The following SCIN variants were observed in gnomAD, a reference collection of about 807,000 sequenced individuals.
SCIN encodes adseverin.
A neutral mutation model predicts 91.8 loss-of-function variants in SCIN; 91 were observed. That is an observed-to-expected ratio of 0.99 (90% confidence interval 0.84 to 1.18). The LOEUF is 1.18. Ranked by LOEUF, SCIN falls within the 50% of genes most tolerant of loss-of-function variation. The pLI, the probability that SCIN is intolerant of heterozygous loss-of-function variation, is 0.00. For synonymous variants in SCIN, 367 were observed against 312.6 expected (o/e 1.17, Z -1.84); for missense variants, 1,087 against 863.9 (o/e 1.26, Z -3.24).
Position 12,578,785 on chromosome 7 carries a change from C to T in SCIN, c.354+567C>T, listed in dbSNP as rs113996676. Among the ~76,000 whole-genome samples, 411 of 152,052 alleles carry T rather than the reference C, an allele frequency of 2.7e-3. 2 individuals are homozygous for T. Among genetic ancestry groups the T allele is most frequent in the African/African-American group, 9.6e-3 (396 of 41,444 alleles). On this transcript the variant is annotated intron_variant, in intron 2 of 15. Transcript: ENST00000297029. ...AAATTCTGCAGGTAAACTACACACA[C>T]GCACATACACAATTTATGCACACTG...
Position 12,640,426 on chromosome 7 carries a change from G to A in SCIN, c.1490G>A (p.Gly497Glu). Residue 497 changes from glycine (G) to glutamate (E), a missense_variant, in exon 11 of 16, where the codon GGA (glycine) becomes GAA (glutamate). Physicochemically the swap from Gly to Glu is moderately conservative, Grantham distance 98. Transcript: ENST00000297029. ...AAACCGCTCATTATTTACAAGAATGGAACATCAAAGAAAGGAGGTCAGGCA... is the reference window on the plus strand; with the variant it reads ...AAACCGCTCATTATTTACAAGAATGAAACATCAAAGAAAGGAGGTCAGGCA... The part of the protein sequence containing the change: ...KDKPLIIYKN[G>E]TSKKGGQAPA... The A allele has an allele frequency of 6.2e-7, 1 of 1,613,398 alleles. No homozygotes were observed. Among genetic ancestry groups the A allele is most frequent in the Non-Finnish European group, 8.5e-7 (1 of 1,179,660 alleles).
chr7:12,627,578 A>G (rs541880781), intron 8 of SCIN, among the ~76,000 whole-genome samples: 3 of 152,322 alleles, frequency 2.0e-5, no homozygotes, highest in African/African-American at 4.8e-5. Flanking sequence ...GGACCAAAGT[A>G]TATGGTCAAG....
intron 4 of SCIN, among the ~76,000 whole-genome samples, chr7:12,609,572 A>G (rs959025833): frequency 6.6e-6 from 1 of 151,634 alleles, no homozygotes; most frequent in African/African-American, 2.4e-5. Context: ...TTAGACTTTC[A>G]TTAAGAAAAA....
chr7:12,629,583 A>G (rs77126869), intron 9 of SCIN, among the ~76,000 whole-genome samples: 6,194 of 152,262 alleles, frequency 0.041, 138 homozygotes, highest in Middle Eastern at 0.075. Flanking sequence ...ACAGAGGTCC[A>G]TCCTAATTGG....
At chr7:12,583,035 G>A (rs774245191) in intron 3 of SCIN, among the ~76,000 whole-genome samples, 12 of 151,784 alleles carry the variant, frequency 7.9e-5, no homozygotes, top group African/African-American at 2.2e-4. Flanking sequence ...AGGTGATCGC[G>A]AGGGTCCCTT....
chr7:12,614,358 C>G (rs554235020), intron 4 of SCIN, among the ~76,000 whole-genome samples: 2 of 152,196 alleles, frequency 1.3e-5, no homozygotes, highest in Non-Finnish European at 2.9e-5. Flanking sequence ...CTAACAACTA[C>G]TACCCTGACA....
At position 12,586,697 on chromosome 7, in the gene SCIN, G is replaced by A. The variant is rs181972774; in HGVS notation, c.516+5476G>A. Among the ~76,000 whole-genome samples the A allele has an allele frequency of 2.8e-3, 421 of 152,144 alleles. 1 individual carries two copies. The highest frequency in any genetic ancestry group is 5.0e-3 in the Non-Finnish European group (339 of 68,008). On this transcript the variant is annotated intron_variant, in intron 3 of 15. Transcript: ENST00000297029. ...AATCAACATAAATATCCATAAACAG[G>A]TGAATAAAGAAAATATGGTATACAC...
Position 12,581,360 on chromosome 7 carries a change from C to G in SCIN, c.516+139C>G, listed in dbSNP as rs528496590. ...ACGTTTATGTGAGCTGAGTAATTGC[C>G]AAGTATTTAAATGACGCATGAAGTG... On this transcript the variant is annotated intron_variant, in intron 3 of 15. Coordinates refer to ENST00000297029, the MANE Select transcript of SCIN (RefSeq NM_001112706.3). 5.8e-4 allele frequency: 450 copies of G among 773,278 alleles called. 1 individual carries two copies. The highest frequency in any genetic ancestry group is 4.4e-3 in the South Asian group (210 of 47,874). The allele number at this position is 773,278 out of a possible 1,614,324, so 47.9% of individuals were successfully genotyped here. A position where few individuals can be genotyped will look rare whatever the true frequency, so the allele number is the denominator to read the frequency against.
At chr7:12,644,426 C>G in intron 12 of SCIN, 111 bp downstream of exon 12, 11 of 1,438,480 alleles carry the variant, frequency 7.6e-6, no homozygotes, top group Non-Finnish European at 1.0e-5. Flanking sequence ...GGTTAACAAT[C>G]TCTCCATTAG....
intron 9 of SCIN, among the ~76,000 whole-genome samples, chr7:12,630,997 C>G (rs1453749855): frequency 1.3e-5 from 2 of 152,088 alleles, no homozygotes; most frequent in African/African-American, 4.8e-5. Flanking sequence ...CCTCTTAATT[C>G]TCTTTTGAAT....
At chr7:12,645,338 C>A (rs28485965) in intron 13 of SCIN, among the ~76,000 whole-genome samples, 1 of 151,904 alleles carries the variant, frequency 6.6e-6, no homozygotes, top group Non-Finnish European at 1.5e-5. Context: ...AAAAAAAACA[C>A]AAAAAACAAA....
At chr7:12,631,455 C>G (rs577547323) in intron 9 of SCIN, among the ~76,000 whole-genome samples, 81 of 152,260 alleles carry the variant, frequency 5.3e-4, no homozygotes, top group Middle Eastern at 3.4e-3. Flanking sequence ...CTCTAGAACT[C>G]ATGTTGAAAC....
chr7:12,629,059 C>A, intron 8 of SCIN, 42 bp from the exon 9 acceptor site: 1 of 1,513,454 alleles, frequency 6.6e-7, no homozygotes, highest in South Asian at 1.3e-5. Flanking sequence ...ATTATTAGAT[C>A]AAGAAAATTG....
rs749602493 is a variant in SCIN, at chr7:12,640,374, G to A, written c.1438G>A (p.Val480Ile). 6.2e-7 allele frequency: 1 copy of A among 1,607,308 alleles called. No individual in the cohort carries two copies. Among genetic ancestry groups the A allele is most frequent in the East Asian group, 2.3e-5 (1 of 44,262 alleles). The change falls in exon 11 of 16, where the codon GTT (valine) becomes ATT (isoleucine). Residue 480 changes from valine (V) to isoleucine (I), a missense_variant. By Grantham distance (29) the Val-to-Ile change is conservative. Transcript: ENST00000297029. ...CCGAGTCTCCCAAGGCAAAGAGCCTGTTCACCTACTGAGTTTGTTCAAAGA... is the reference window on the plus strand; with the variant it reads ...CCGAGTCTCCCAAGGCAAAGAGCCTATTCACCTACTGAGTTTGTTCAAAGA... Reference protein sequence around the residue: ...QIRVSQGKEPVHLLSLFKDKP... With the variant: ...QIRVSQGKEPIHLLSLFKDKP...
chr7:12,621,150 C>G (rs915338659), intron 4 of SCIN, among the ~76,000 whole-genome samples: 4 of 152,070 alleles, frequency 2.6e-5, no homozygotes, highest in African/African-American at 7.2e-5. Context: ...TCTTTCTACG[C>G]CAGATGTAAA....
intron 3 of SCIN, among the ~76,000 whole-genome samples, chr7:12,582,887 C>T (rs1782517104): frequency 6.6e-6 from 1 of 152,186 alleles, no homozygotes; most frequent in South Asian, 2.1e-4. Flanking sequence ...CAACTTTCAT[C>T]TCCACCACTT....
At chr7:12,635,956 C>T in intron 9 of SCIN, 89 bp from the exon 10 acceptor site, 1 of 918,296 alleles carries the variant, frequency 1.1e-6, no homozygotes, top group Non-Finnish European at 1.7e-6. Context: ...CTTGATCTTT[C>T]ATAATAACTT....
chr7:12,590,992 A>G (rs759773598), intron 3 of SCIN, among the ~76,000 whole-genome samples: 11 of 152,106 alleles, frequency 7.2e-5, no homozygotes, highest in African/African-American at 2.7e-4. Context: ...CCTGGCTTCA[A>G]TTACTTGGTC....
intron 3 of SCIN, among the ~76,000 whole-genome samples, chr7:12,585,353 C>A (rs1309042107): frequency 2.0e-5 from 3 of 152,136 alleles, no homozygotes; most frequent in African/African-American, 4.8e-5. Context: ...CACTGTTATT[C>A]TTCTTTGCAT....
Sources: allele counts gnomAD v4.1 joint callset (sites outside exome capture counted in the v4.1 genomes callset), GRCh38; gene constraint gnomAD v4.1.1; transcripts MANE v1.5; gene names NCBI Gene and HGNC (gene_info 2026-07-23, HGNC 2026-07-21).